Variants in TCF7L2 observed in about 807,000 individuals in gnomAD.
TCF7L2 encodes transcription factor 7 like 2.
TCF7L2 carries 23 observed loss-of-function variants against 77.9 expected under a neutral mutation model. That is an observed-to-expected ratio of 0.30 (90% confidence interval 0.21 to 0.42). The LOEUF (loss-of-function observed/expected upper bound fraction) is 0.42. Among genes scored for constraint, TCF7L2 ranks in the 10% least tolerant of loss-of-function variants. The pLI, the probability that TCF7L2 is intolerant of heterozygous loss-of-function variation, is 1.00. For missense variants in TCF7L2, 654 were observed against 793.1 expected, an observed-to-expected ratio of 0.82 and a Z score of 2.11; for synonymous variants, 413 against 340.2, an observed-to-expected ratio of 1.21 and a Z score of -2.36.
intron 5 of TCF7L2, among the ~76,000 whole-genome samples, chr10:113,077,302 G>C (rs1203856407): frequency 6.6e-6 from 1 of 152,174 alleles, no homozygotes; most frequent in South Asian, 2.1e-4. Context: ...TAAGATAGTG[G>C]TAATTATGCC....
At chr10:113,073,503 C>CAAAAAAAAAAAAA (rs35730806) in intron 5 of TCF7L2, among the ~76,000 whole-genome samples, 4 of 43,972 alleles carry the variant, frequency 9.1e-5, no homozygotes, top group Non-Finnish European at 1.3e-4. Flanking sequence ...CGGTCTCTAC[C>CAAAAAAAAAAAAA]AAAAAAAAAA....
chr10:113,071,529 C>T (rs767056224), intron 5 of TCF7L2, among the ~76,000 whole-genome samples: 2 of 152,076 alleles, frequency 1.3e-5, no homozygotes, highest in Non-Finnish European at 2.9e-5. Context: ...ATTCTCACCC[C>T]GTCCCCCCGC....
chr10:113,162,365 C>A (rs2073298202), intron 13 of TCF7L2, among the ~76,000 whole-genome samples: 1 of 152,084 alleles, frequency 6.6e-6, no homozygotes, highest in African/African-American at 2.4e-5. Flanking sequence ...GAAGCAGTTG[C>A]TGCAAGTCAG....
intron 3 of TCF7L2, among the ~76,000 whole-genome samples, chr10:112,960,040 G>A (rs1285481814): frequency 6.6e-6 from 1 of 151,844 alleles, no homozygotes; most frequent in Non-Finnish European, 1.5e-5. Context: ...TGAAAATAAA[G>A]TAAATGTTCC....
intron 4 of TCF7L2, among the ~76,000 whole-genome samples, chr10:113,018,185 G>A (rs1358248815): frequency 1.3e-5 from 2 of 152,182 alleles, no homozygotes; most frequent in African/African-American, 2.4e-5. Flanking sequence ...TGCGTAAAGC[G>A]TTTGACCAGT....
At chr10:113,079,549 G>T (rs146243678) in intron 5 of TCF7L2, among the ~76,000 whole-genome samples, 5 of 152,180 alleles carry the variant, frequency 3.3e-5, no homozygotes, top group South Asian at 2.1e-4. Context: ...TTTACAAAGT[G>T]GGGGGAACCC....
At chr10:112,964,797 TGGTGGTGGTGGTGG>T in intron 4 of TCF7L2, among the ~76,000 whole-genome samples, 173 bp downstream of exon 4, 1 of 40,240 alleles carries the variant, frequency 2.5e-5, no homozygotes, top group African/African-American at 1.4e-4. Flanking sequence ...GTGGTGATGG[TGGTGGTGGTGGTGG>T]TGGGGGGGGG....
intron 5 of TCF7L2, among the ~76,000 whole-genome samples, chr10:113,087,564 C>A (rs538743354): frequency 3.3e-5 from 5 of 152,318 alleles, no homozygotes; most frequent in Admixed American, 2.0e-4. Flanking sequence ...GACTCACGCT[C>A]CTGTTTACAA....
chr10:112,956,381 G>T (rs2033628995), intron 3 of TCF7L2, among the ~76,000 whole-genome samples: 1 of 133,908 alleles, frequency 7.5e-6, no homozygotes, highest in Admixed American at 8.2e-5. Flanking sequence ...TGCTGGAGTT[G>T]CCAAATAAAT....
At chr10:113,036,572 A>G (rs1333907232) in intron 4 of TCF7L2, among the ~76,000 whole-genome samples, 1 of 152,190 alleles carries the variant, frequency 6.6e-6, no homozygotes, top group African/African-American at 2.4e-5. Flanking sequence ...TCCCTGAGAC[A>G]TATCATAAAA....
chr10:112,984,479 C>A (rs1439722760), intron 4 of TCF7L2, among the ~76,000 whole-genome samples: 2 of 152,132 alleles, frequency 1.3e-5, no homozygotes, highest in Admixed American at 6.6e-5. Flanking sequence ...GTTAGTTCCT[C>A]TAAGTGATGA....
At chr10:112,987,619 C>T (rs1012582928) in intron 4 of TCF7L2, 2 of 151,934 alleles carry the variant, frequency 1.3e-5, no homozygotes, top group African/African-American at 4.8e-5. Context: ...GGTGCATTGA[C>T]GAATTTGAAA....
intron 5 of TCF7L2, among the ~76,000 whole-genome samples, chr10:113,063,993 T>C (rs1383124916): frequency 6.6e-6 from 1 of 151,214 alleles, no homozygotes; most frequent in Non-Finnish European, 1.5e-5. Context: ...GGCAGTGAGG[T>C]TCCTGAAATA....
At chr10:113,123,196 A>G (rs2065060574) in intron 5 of TCF7L2, among the ~76,000 whole-genome samples, 1 of 152,234 alleles carries the variant, frequency 6.6e-6, no homozygotes, top group Non-Finnish European at 1.5e-5. Flanking sequence ...TTAATTTGAT[A>G]CTAGTGCTGA....
chr10:113,077,379 A>G (rs981719580), intron 5 of TCF7L2, among the ~76,000 whole-genome samples: 1 of 152,212 alleles, frequency 6.6e-6, no homozygotes, highest in African/African-American at 2.4e-5. Context: ...TTTAAAGTAT[A>G]TAATTCAGTG....
At chr10:113,053,958 C>T (rs1372727090) in intron 5 of TCF7L2, among the ~76,000 whole-genome samples, 1 of 152,184 alleles carries the variant, frequency 6.6e-6, no homozygotes, top group Non-Finnish European at 1.5e-5. Flanking sequence ...AGGACTCTCA[C>T]CCTTCAGTGT....
chr10:113,159,880 G>T (rs201279117), intron 12 of TCF7L2, 40 bp from the exon 14 acceptor site: 21 of 1,021,406 alleles, frequency 2.1e-5, no homozygotes, highest in Admixed American at 2.0e-4. Context: ...TTTCTCCCAC[G>T]TTCTCCTCCT....
intron 5 of TCF7L2, among the ~76,000 whole-genome samples, chr10:113,110,867 A>G (rs1358402004): frequency 6.6e-6 from 1 of 152,212 alleles, no homozygotes; most frequent in Non-Finnish European, 1.5e-5. Context: ...AATCTGGCCA[A>G]TTGTATGGGT....
intron 4 of TCF7L2, among the ~76,000 whole-genome samples, chr10:113,035,105 T>C (rs902348039): frequency 1.3e-5 from 2 of 152,134 alleles, no homozygotes; most frequent in Non-Finnish European, 2.9e-5. Flanking sequence ...ACTTCCATTC[T>C]GGAAAAGAGG....
Sources: allele counts gnomAD v4.1 joint callset (sites outside exome capture counted in the v4.1 genomes callset), GRCh38; gene constraint gnomAD v4.1.1; transcripts MANE v1.5; gene names NCBI Gene and HGNC (gene_info 2026-07-23, HGNC 2026-07-21).